ZFHX2: variants seen among roughly 807,000 people sequenced by gnomAD.
The protein encoded by ZFHX2 is zinc finger homeobox protein 2.
Under a neutral mutation model 164.8 loss-of-function variants are expected in ZFHX2, and 75 were observed. The observed-to-expected ratio is 0.46, with a 90% CI of 0.38 to 0.55. The LOEUF (loss-of-function observed/expected upper bound fraction) is 0.55, where lower values mean the gene tolerates loss of function less well. Among genes scored for constraint, ZFHX2 ranks in the 20% least tolerant of loss-of-function variants. The pLI is 0.00. For missense variants in ZFHX2, 2,933 were observed against 3,308.0 expected, an observed-to-expected ratio of 0.89 and a Z score of 2.78; for synonymous variants, 1,217 against 1,351.4, an observed-to-expected ratio of 0.90 and a Z score of 2.18.
At position 23,526,407 on chromosome 14, in the gene ZFHX2, A is replaced by G; in HGVS notation, c.3535T>C (p.Phe1179Leu). The G allele has an allele frequency of 6.5e-7, 1 of 1,536,218 alleles. No homozygotes were observed. The highest frequency in any genetic ancestry group is 2.4e-5 in the East Asian group (1 of 40,878). Residue 1179 changes from phenylalanine (F) to leucine (L), a missense_variant, in exon 9 of 10, where the codon TTT (phenylalanine) becomes CTT (leucine). By Grantham distance (22) the Phe-to-Leu change is conservative. Transcript: ENST00000419474. ...GGGTCGAGAAACTTGTCCAGGGCAA[A>G]GTTGGTGGTTTTCCGATAGGTCAGA... ...HPLTYRKTTN[F>L]ALDKFLDPAR...
chr14:23,549,977 G>A (rs1200266763), intron 1 of ZFHX2, among the ~76,000 whole-genome samples: 1 of 152,216 alleles, frequency 6.6e-6, no homozygotes, highest in Non-Finnish European at 1.5e-5. Context: ...TGGAAACTCA[G>A]AGCTCATGGG....
chr14:23,544,550 C>T (rs1881173674), intron 1 of ZFHX2, among the ~76,000 whole-genome samples: 3 of 152,174 alleles, frequency 2.0e-5, no homozygotes, highest in Non-Finnish European at 4.4e-5. Context: ...CCAGGCCCTC[C>T]ATGTACACGT....
At position 23,533,531 on chromosome 14, in the gene ZFHX2, T is replaced by C. The variant is rs1879827679; in HGVS notation, c.1795A>G (p.Met599Val). The change falls in exon 2 of 10, where the codon ATG becomes GTG. Residue 599 changes from methionine to valine, a missense_variant. Met to Val is a conservative substitution (Grantham distance 21). Transcript: ENST00000419474. This position sits in a 1 kb window ranked among gnomAD's most constrained non-coding sequence, Gnocchi z 4.8. ...CCCAGCGGCAGCCCCTGGTGCAGCA[T>C]TAGGACATTCTGCATGTGCTTCTCA... ...TSEKHMQNVL[M>V]LHQGLPLGLP... 9 of 1,536,138 alleles carry C rather than the reference T, an allele frequency of 5.9e-6. No homozygotes were observed. The highest frequency in any genetic ancestry group is 7.0e-6 in the Non-Finnish European group (8 of 1,146,908).
chr14:23,529,409 C>T (rs991475991), intron 6 of ZFHX2: 2 of 355,116 alleles, frequency 5.6e-6, no homozygotes, highest in Admixed American at 8.7e-5. Context: ...TTTCTCCTCC[C>T]CTCCTTCCAG....
chr14:23,542,977 G>C (rs1265985390), intron 1 of ZFHX2: 2 of 151,930 alleles, frequency 1.3e-5, no homozygotes, highest in Admixed American at 1.3e-4. Context: ...TACCTGACCC[G>C]CCCACCTTGG....
Position 23,524,973 on chromosome 14 carries a change from C to A in ZFHX2, c.4969G>T (p.Gly1657Cys), listed in dbSNP as rs1406120304. 2.0e-6 allele frequency: 3 copies of A among 1,536,162 alleles called. No individual in the cohort carries two copies. The Admixed American group carries it at 5.9e-5, about 30-fold the overall frequency. Reference protein sequence around the residue: ...RQKARKNACEGGSMPTGGGTG... With the variant: ...RQKARKNACECGSMPTGGGTG... ...CCTCCTCCGGTTGGCATGGACCCAC[C>A]CTCACAGGCATTTTTGCGTGCTTTC... Residue 1657 changes from glycine to cysteine, a missense_variant, in exon 9 of 10, where the codon GGT becomes TGT. Coordinates refer to ENST00000419474, the MANE Select transcript of ZFHX2 (RefSeq NM_033400.3). This position sits in a 1 kb window ranked among gnomAD's most constrained non-coding sequence, Gnocchi z 5.6.
At chr14:23,552,529 G>A (rs1882052872), upstream of ZFHX2, among the ~76,000 whole-genome samples, 1 of 152,114 alleles carries the variant, frequency 6.6e-6, no homozygotes, top group South Asian at 2.1e-4. Flanking sequence ...CTGACCTTGT[G>A]ATCCGCCTGC....
chr14:23,529,494 T>C (rs1879247957), intron 6 of ZFHX2: 1 of 562,482 alleles, frequency 1.8e-6, no homozygotes, highest in East Asian at 3.0e-5. Flanking sequence ...GCTGTCTCCC[T>C]CCTATCATCT....
rs1040379307 is a variant in ZFHX2, at chr14:23,526,887, A to G, written c.3222T>C (p.Thr1074=). Residue 1074 remains threonine (T), a synonymous_variant, in exon 8 of 10, where the codon ACT becomes ACC. Transcript: ENST00000419474. ...TGCTCGGTGTAGGCTCTGGCCCATG[A>G]GTGGGGGGTTCTTGGCCATTGTCCA... The part of the protein sequence containing the change: ...SPLDNGQEPP[T]HGPEPTPSRD... 5.9e-6 allele frequency: 9 copies of G among 1,533,830 alleles called. No individual in the cohort carries two copies. The highest frequency in any genetic ancestry group is 7.9e-6 in the Non-Finnish European group (9 of 1,146,054).
In ZFHX2 at chr14:23,526,404, C is replaced by T. The variant is rs1245601467; in HGVS notation, c.3538G>A (p.Ala1180Thr). Residue 1180 changes from alanine (A) to threonine (T), a missense_variant, in exon 9 of 10, where the codon GCC (alanine) becomes ACC (threonine). Physicochemically the swap from Ala to Thr is moderately conservative, Grantham distance 58. Coordinates refer to ENST00000419474, the MANE Select transcript of ZFHX2 (RefSeq NM_033400.3). ...PLTYRKTTNF[A>T]LDKFLDPARP... ...GCAGGGTCGAGAAACTTGTCCAGGG[C>T]AAAGTTGGTGGTTTTCCGATAGGTC... 2.0e-6 allele frequency: 3 copies of T among 1,536,064 alleles called. No homozygotes were observed. The highest frequency in any genetic ancestry group is 2.4e-5 in the South Asian group (2 of 84,048).
chr14:23,537,259 C>T lies in ZFHX2; in HGVS notation c.-49-1885G>A, dbSNP rs536813894. Among the ~76,000 whole-genome samples the T allele has an allele frequency of 1.1e-4, 17 of 152,086 alleles. No individual in the cohort carries two copies. In the South Asian group the frequency reaches 3.5e-3, roughly 32 times the overall value. On this transcript the variant is annotated intron_variant, in intron 1 of 9. Coordinates refer to ENST00000419474, the MANE Select transcript of ZFHX2 (RefSeq NM_033400.3). ...TTTTTTTTCTAAATCAGGAACCTCC[C>T]CCTCAAACTCACCAATTCCCATGCC...
Position 23,529,777 on chromosome 14 carries a change from G to A in ZFHX2, c.2876-9C>T. The A allele has an allele frequency of 6.5e-7, 1 of 1,536,186 alleles. No homozygotes were observed. Among genetic ancestry groups the A allele is most frequent in the Non-Finnish European group, 8.7e-7 (1 of 1,146,742 alleles). On this transcript the variant is annotated splice_polypyrimidine_tract_variant and intron_variant, in intron 5 of 9. Coordinates refer to ENST00000419474, the MANE Select transcript of ZFHX2 (RefSeq NM_033400.3). ...TTCTGTCTCTTCTGAAGCTGAGGAT[G>A]AAAGAAGAGGAGATTAAGGAACCCT...
intron 6 of ZFHX2, chr14:23,528,739 C>T (rs1162731819): frequency 9.1e-6 from 9 of 985,328 alleles, no homozygotes; most frequent in Non-Finnish European, 1.1e-5. Flanking sequence ...CACCACAGCT[C>T]CCCCAGTGGC....
chr14:23,538,475 GT>G (rs1322894050), intron 1 of ZFHX2, among the ~76,000 whole-genome samples: 6 of 151,316 alleles, frequency 4.0e-5, no homozygotes, highest in Admixed American at 1.3e-4. Context: ...GAATCGCTAG[GT>G]CCCTTTCTTT....
At chr14:23,544,819 G>C (rs1328555892) in intron 1 of ZFHX2, among the ~76,000 whole-genome samples, 2 of 152,112 alleles carry the variant, frequency 1.3e-5, no homozygotes, top group African/African-American at 4.8e-5. Context: ...CCCTGGCCAC[G>C]TTCTTTCCCT....
intron 3 of ZFHX2, chr14:23,532,176 G>C (rs1381164644): frequency 5.9e-6 from 1 of 168,768 alleles, no homozygotes; most frequent in Non-Finnish European, 1.2e-5. Flanking sequence ...CCCTCCTATG[G>C]CCACCTAAGT....
rs1390071471 is a variant in ZFHX2 at position 23,531,511 on chromosome 14, T to C, written c.2770A>G (p.Ser924Gly). ...EGLAALQSIL[S>G]FSHGQLRTPG... is the part of the protein sequence containing the mutation. ...GTCCGGAGCTGCCCGTGGCTGAAGC[T>C]CAGGATGCTCTGAAGAGCTGCGAGT... Residue 924 changes from serine (S) to glycine (G), a missense_variant, in exon 4 of 10, where the codon AGC becomes GGC. By Grantham distance (56) the Ser-to-Gly change is moderately conservative. Coordinates refer to ENST00000419474, the MANE Select transcript of ZFHX2 (RefSeq NM_033400.3). 1.4e-6 allele frequency: 2 copies of C among 1,465,978 alleles called. No individual in the cohort carries two copies. The highest frequency in any genetic ancestry group is 2.6e-5 in the East Asian group (1 of 38,452). 90.8% of individuals were successfully genotyped at this position (1,465,978 alleles called of 1,614,324 possible).
rs948411731 is a variant in ZFHX2 at position 23,520,881 on chromosome 14, T to A, written c.*1081A>T. ...CTGATGGGAGTTTTCTTCCTTTTTT[T>A]TTTTTTCTGTATTTTCCAAGTTTAC... On this transcript the variant is annotated 3_prime_UTR_variant, in exon 10 of 10. Transcript: ENST00000419474. The surrounding 1 kb of genome is among the most constrained non-coding windows in gnomAD (Gnocchi z 8.7). The A allele has an allele frequency of 6.6e-6, 1 of 152,086 alleles. No individual in the cohort carries two copies. The highest frequency in any genetic ancestry group is 6.5e-5 in the Admixed American group (1 of 15,284). The allele number at this position is 152,086 out of a possible 1,614,324, so 9.4% of individuals were successfully genotyped here.
chr14:23,545,448 A>C (rs893684789), intron 1 of ZFHX2, among the ~76,000 whole-genome samples: 52 of 151,930 alleles, frequency 3.4e-4, no homozygotes, highest in African/African-American at 1.2e-3. Flanking sequence ...TTCTCATTTA[A>C]ATTGTGGCCA....
Sources: gnomAD v4.1 joint callset for allele counts (sites outside exome capture counted in the v4.1 genomes callset) on GRCh38, gnomAD v4.1.1 for gene constraint, Gnocchi (gnomAD v3.1) non-coding constraint, MANE v1.5 for transcripts, NCBI Gene and HGNC (gene_info 2026-07-23, HGNC 2026-07-21) for gene names.